Variants in TMED3 observed in about 807,000 individuals in gnomAD.
TMED3 encodes the protein transmembrane p24 trafficking protein 3, also known as transmembrane emp24 domain-containing protein 3.
TMED3 carries 9 observed loss-of-function variants against 15.0 expected under a neutral mutation model. That is an observed-to-expected ratio of 0.60 (90% CI 0.36 to 1.04). The LOEUF (loss-of-function observed/expected upper bound fraction) is 1.04, where lower values mean the gene tolerates loss of function less well. Among genes scored for constraint, TMED3 ranks in the 50% least tolerant of loss-of-function variants. The pLI is 0.01. For synonymous variants in TMED3, 117 were observed against 121.4 expected, an observed-to-expected ratio of 0.96 and a Z score of 0.24; for missense variants, 267 against 278.9, an observed-to-expected ratio of 0.96 and a Z score of 0.30.
chr15:79,331,093 G>T (rs1261725841), intron 2 of TMED3, among the ~76,000 whole-genome samples: 2 of 152,134 alleles, frequency 1.3e-5, no homozygotes, highest in East Asian at 3.9e-4. Flanking sequence ...AAGAGGGGAG[G>T]TGCCACACAC....
chr15:79,386,359 C>T (rs1318547613), intron 2 of TMED3, among the ~76,000 whole-genome samples: 1 of 152,106 alleles, frequency 6.6e-6, no homozygotes, highest in Non-Finnish European at 1.5e-5. Context: ...CTTTTCAGAG[C>T]ACTCTCCTCA....
At chr15:79,319,681 T>A (rs1217703607) in intron 2 of TMED3, among the ~76,000 whole-genome samples, 1 of 152,084 alleles carries the variant, frequency 6.6e-6, no homozygotes, top group Non-Finnish European at 1.5e-5. Context: ...GCGCTGATAC[T>A]TATTGGATAC....
intron 2 of TMED3, among the ~76,000 whole-genome samples, chr15:79,391,943 T>G (rs543495754): frequency 6.6e-6 from 1 of 152,220 alleles, no homozygotes; most frequent in Non-Finnish European, 1.5e-5. Flanking sequence ...AATGCCTTTT[T>G]CCACCCTTTC....
intron 2 of TMED3, among the ~76,000 whole-genome samples, chr15:79,335,143 A>G (rs3938030): frequency 1.3e-5 from 2 of 152,234 alleles, no homozygotes; most frequent in Admixed American, 6.5e-5. Context: ...AAGAAAACAG[A>G]ACAATTTCAA....
chr15:79,380,590 T>TAGAG (rs1195082219), intron 2 of TMED3, among the ~76,000 whole-genome samples: 1 of 143,976 alleles, frequency 6.9e-6, no homozygotes, highest in African/African-American at 2.6e-5. Flanking sequence ...TTTATATATA[T>TAGAG]ATATATATAT....
intron 2 of TMED3, among the ~76,000 whole-genome samples, chr15:79,394,003 G>T (rs1307722706): frequency 6.6e-6 from 1 of 152,104 alleles, no homozygotes; most frequent in African/African-American, 2.4e-5. Flanking sequence ...GGCCCATTTA[G>T]ACATTTCATA....
intron 2 of TMED3, among the ~76,000 whole-genome samples, chr15:79,395,033 T>A (rs758855135): frequency 1.2e-4 from 18 of 152,158 alleles, no homozygotes; most frequent in Non-Finnish European, 2.2e-4. Context: ...ACTGATATAG[T>A]TGGACTTATT....
chr15:79,375,636 A>C (rs1403476697), intron 2 of TMED3, among the ~76,000 whole-genome samples: 1 of 152,072 alleles, frequency 6.6e-6, no homozygotes. Context: ...GAGAGGGAGG[A>C]GGTGCCACAT....
rs533395947 is a variant in TMED3, at chr15:79,339,923, G to C, written c.417+25918G>C. Among the ~76,000 whole-genome samples, 100 of 152,082 alleles carry C rather than the reference G, an allele frequency of 6.6e-4. 1 individual carries two copies. The highest frequency in any genetic ancestry group is 2.3e-3 in the African/African-American group (96 of 41,472). On this transcript the variant is annotated intron_variant, in intron 2 of 2. Coordinates refer to the TMED3 transcript ENST00000424155. ...TGATTAGGATGGTGATGGTGGTGGA[G>C]ATGATGTGTGTAGAGAGCAGTGTTA...
At chr15:79,331,759 A>G (rs2058810091) in intron 2 of TMED3, among the ~76,000 whole-genome samples, 1 of 152,236 alleles carries the variant, frequency 6.6e-6, no homozygotes. Flanking sequence ...AATATTTCTC[A>G]AAAGAAGACA....
rs1296655795 is a variant in TMED3 at position 79,353,041 on chromosome 15, TATATATATAAAAA to T, written c.417+39039_417+39051del. 7.7e-4 allele frequency among the ~76,000 whole-genome samples: 73 copies of T among 95,028 alleles called. 1 individual carries two copies. The East Asian group carries it at 0.018, about 23-fold the overall frequency. The allele number at this position is 95,028 out of a possible 152,430, so 62.3% of individuals were successfully genotyped here. The stretch of plus-strand genomic sequence containing the variant: ...TAAAATATATATATTTTATATATAT[TATATATATAAAAA>T]ATGTATATATAAAAATATATATTAT... On this transcript the variant is annotated intron_variant, in intron 2 of 2. Transcript: ENST00000424155.
intron 2 of TMED3, among the ~76,000 whole-genome samples, chr15:79,397,323 A>G: frequency 6.6e-6 from 1 of 152,232 alleles, no homozygotes; most frequent in East Asian, 1.9e-4. Flanking sequence ...TTCAGAAAGT[A>G]TTGTGTACAT....
At chr15:79,342,723 T>G (rs1014255253) in intron 2 of TMED3, among the ~76,000 whole-genome samples, 6 of 152,192 alleles carry the variant, frequency 3.9e-5, no homozygotes, top group African/African-American at 1.4e-4. Flanking sequence ...AGATTAGTCA[T>G]CTTAATTAAT....
intron 2 of TMED3, among the ~76,000 whole-genome samples, chr15:79,333,900 A>C (rs1372946361): frequency 6.6e-6 from 1 of 152,138 alleles, no homozygotes; most frequent in South Asian, 2.1e-4. Flanking sequence ...ATCAAAACCA[A>C]CTTTATTAAT....
At chr15:79,317,532 T>C (rs2058745876) in intron 2 of TMED3, among the ~76,000 whole-genome samples, 1 of 152,202 alleles carries the variant, frequency 6.6e-6, no homozygotes, top group South Asian at 2.1e-4. Flanking sequence ...GCCTGGAAAA[T>C]CAAATGAGCC....
chr15:79,352,928 T>A (rs1253448965), intron 2 of TMED3, among the ~76,000 whole-genome samples: 1 of 98,678 alleles, frequency 1.0e-5, no homozygotes, highest in Non-Finnish European at 2.0e-5. Context: ...AAAATATATA[T>A]AATATATATA....
chr15:79,317,550 A>G (rs944668467), intron 2 of TMED3, among the ~76,000 whole-genome samples: 8 of 152,324 alleles, frequency 5.3e-5, no homozygotes, highest in Admixed American at 5.2e-4. Flanking sequence ...GCCCTTCCAC[A>G]GTGTTCTCTG....
chr15:79,377,502 T>A (rs529636787), intron 2 of TMED3, among the ~76,000 whole-genome samples: 4 of 152,318 alleles, frequency 2.6e-5, no homozygotes, highest in South Asian at 4.1e-4. Context: ...CACTTGCCAA[T>A]TCATGCTTTA....
intron 2 of TMED3, among the ~76,000 whole-genome samples, chr15:79,396,358 TG>T (rs1193456973): frequency 3.3e-5 from 5 of 152,328 alleles, no homozygotes; most frequent in African/African-American, 1.2e-4. Context: ...CCACTATGTC[TG>T]GGGCCTCATC....
Sources: allele counts gnomAD v4.1 joint callset (sites outside exome capture counted in the v4.1 genomes callset), GRCh38; gene constraint gnomAD v4.1.1; transcripts MANE v1.5; gene names NCBI Gene and HGNC (gene_info 2026-07-23, HGNC 2026-07-21).